ATG4C: variants seen among roughly 807,000 people sequenced by gnomAD.
The protein encoded by ATG4C is cysteine protease ATG4C.
Under a neutral mutation model 57.6 loss-of-function variants are expected in ATG4C, and 56 were observed. That is an observed-to-expected ratio of 0.97 (90% CI 0.78 to 1.21). The LOEUF is 1.21. Ranked by LOEUF, ATG4C falls within the 50% of genes most tolerant of loss-of-function variation. The pLI is 0.00. For missense variants in ATG4C, 595 were observed against 529.8 expected, an observed-to-expected ratio of 1.12 and a Z score of -1.21; for synonymous variants, 157 against 174.1, an observed-to-expected ratio of 0.90 and a Z score of 0.78.
chr1:62,813,431 C>T (rs1665157729), intron 3 of ATG4C, among the ~76,000 whole-genome samples: 1 of 152,106 alleles, frequency 6.6e-6, no homozygotes. Flanking sequence ...CTTTCTTACA[C>T]CTTATACAAA....
intron 4 of ATG4C, 44 bp from the exon 5 acceptor site, chr1:62,818,961 A>G (rs377634651): frequency 1.5e-6 from 2 of 1,365,572 alleles, no homozygotes; most frequent in Non-Finnish European, 9.8e-7. Flanking sequence ...TTGTTAAAGT[A>G]TCTATTTAAA....
intron 6 of ATG4C, 115 bp downstream of exon 6, chr1:62,821,324 C>T (rs940098361): frequency 3.6e-6 from 2 of 560,886 alleles, no homozygotes; most frequent in African/African-American, 3.9e-5. Flanking sequence ...ATGTCTTATA[C>T]ATTTTTGTTC....
At chr1:62,853,146 A>G (rs992252051) in intron 10 of ATG4C, among the ~76,000 whole-genome samples, 13 of 152,324 alleles carry the variant, frequency 8.5e-5, no homozygotes, top group Non-Finnish European at 1.5e-4. Flanking sequence ...CCTGAACTTT[A>G]GAAGCATTGT....
chr1:62,791,987 T>C (rs1329548906), intron 1 of ATG4C, among the ~76,000 whole-genome samples: 3 of 152,132 alleles, frequency 2.0e-5, no homozygotes, highest in Non-Finnish European at 4.4e-5. Context: ...GTCAACTTGC[T>C]ACTTTTATCT....
chr1:62,809,598 T>C (rs1329859217), intron 3 of ATG4C, among the ~76,000 whole-genome samples: 1 of 147,040 alleles, frequency 6.8e-6, no homozygotes, highest in Non-Finnish European at 1.5e-5. Context: ...TAATGTAATT[T>C]ATATAATTAT....
At chr1:62,796,657 C>A (rs1348563911) in intron 1 of ATG4C, among the ~76,000 whole-genome samples, 1 of 152,018 alleles carries the variant, frequency 6.6e-6, no homozygotes, top group African/African-American at 2.4e-5. Flanking sequence ...TTTAATATAA[C>A]CTGGTTATAT....
intron 1 of ATG4C, among the ~76,000 whole-genome samples, chr1:62,801,979 AAAAAAAG>A (rs1664691214): frequency 1.4e-5 from 2 of 142,346 alleles, no homozygotes; most frequent in Non-Finnish European, 3.1e-5. Context: ...AAAAAAAAAA[AAAAAAAG>A]AAAAAAAGAA....
chr1:62,796,207 G>GTTTT (rs60552573), intron 1 of ATG4C, among the ~76,000 whole-genome samples: 6 of 91,154 alleles, frequency 6.6e-5, no homozygotes, highest in African/African-American at 1.3e-4. Context: ...ATTTGTGTGG[G>GTTTT]TTTTTTTTTT....
At chr1:62,859,820 G>C (rs1666796566) in intron 10 of ATG4C, among the ~76,000 whole-genome samples, 1 of 151,788 alleles carries the variant, frequency 6.6e-6, no homozygotes, top group Non-Finnish European at 1.5e-5. Context: ...TCAGCCTCCT[G>C]AGTAGCTGGG....
At chr1:62,861,404 G>A (rs1164248572) in intron 10 of ATG4C, among the ~76,000 whole-genome samples, 6 of 151,932 alleles carry the variant, frequency 3.9e-5, no homozygotes. Context: ...AATTAGCCAG[G>A]TATGGTGGCA....
At chr1:62,856,922 G>C (rs1169874660) in intron 10 of ATG4C, among the ~76,000 whole-genome samples, 1 of 152,130 alleles carries the variant, frequency 6.6e-6, no homozygotes, top group Non-Finnish European at 1.5e-5. Flanking sequence ...TTGGCTTACA[G>C]GGACCTGAGT....
chr1:62,786,796 G>T (rs1335842708), intron 1 of ATG4C, among the ~76,000 whole-genome samples: 3 of 152,132 alleles, frequency 2.0e-5, no homozygotes, highest in Non-Finnish European at 4.4e-5. Flanking sequence ...AGTTACAACT[G>T]TGGTAAATGC....
intron 3 of ATG4C, among the ~76,000 whole-genome samples, chr1:62,811,430 G>T (rs1665080805): frequency 6.6e-6 from 1 of 152,104 alleles, no homozygotes; most frequent in Non-Finnish European, 1.5e-5. Flanking sequence ...TTATGTCGAG[G>T]TATATAGTAT....
At chr1:62,833,053 G>GT (rs893618540) in intron 7 of ATG4C, among the ~76,000 whole-genome samples, 35 of 152,130 alleles carry the variant, frequency 2.3e-4, no homozygotes, top group African/African-American at 8.4e-4. Flanking sequence ...TTTGGGAAAA[G>GT]TTTCACTTTT....
chr1:62,804,156 A>G (rs1572105914), intron 2 of ATG4C, among the ~76,000 whole-genome samples: 2 of 149,322 alleles, frequency 1.3e-5, no homozygotes, highest in South Asian at 4.2e-4. Context: ...GTGCAATCTC[A>G]GCTCACTGCA....
At chr1:62,841,186 A>G (rs1309877281) in intron 9 of ATG4C, among the ~76,000 whole-genome samples, 1 of 152,196 alleles carries the variant, frequency 6.6e-6, no homozygotes, top group African/African-American at 2.4e-5. Context: ...TTTCTTTTGC[A>G]GAATGGCACT....
chr1:62,837,767 C>A (rs1666040625), intron 9 of ATG4C, among the ~76,000 whole-genome samples: 1 of 151,984 alleles, frequency 6.6e-6, no homozygotes, highest in African/African-American at 2.4e-5. Context: ...ATGTGAACTG[C>A]AATTAGTAGT....
chr1:62,819,177 T>C lies in ATG4C; in HGVS notation c.567T>C (p.His189=), dbSNP rs895365337. The C allele has an allele frequency of 3.7e-6, 6 of 1,613,532 alleles. No individual in the cohort carries two copies. The highest frequency in any genetic ancestry group is 4.2e-6 in the Non-Finnish European group (5 of 1,179,702). The stretch of plus-strand genomic sequence containing the variant: ...CAATTGGGAAATATTCTGATGATCA[T>C]GAAATGCGAAATGAAGTTTATCATA... ...KETIGKYSDD[H]EMRNEVYHRK... Residue 189 remains histidine, a synonymous_variant, in exon 5 of 11, where the codon CAT becomes CAC. Transcript: ENST00000317868.
In ATG4C at chr1:62,864,059, A is replaced by G. The variant is rs368772637; in HGVS notation, c.1277A>G (p.Tyr426Cys). 66 of 1,600,158 alleles carry G rather than the reference A, an allele frequency of 4.1e-5. No individual in the cohort carries two copies. Among genetic ancestry groups the G allele is most frequent in the Non-Finnish European group, 4.9e-5 (57 of 1,174,208 alleles). Residue 426 changes from tyrosine to cysteine, a missense_variant, in exon 11 of 11, where the codon TAT becomes TGT. Tyr to Cys is a radical substitution (Grantham distance 194). Coordinates refer to ENST00000317868, the MANE Select transcript of ATG4C (RefSeq NM_032852.4). ...TTTGTAAATGGTCATTCCAGAGACT[A>G]TGATTTTACATCTACTACAACCAAT... ...FTFVNGHSRDYDFTSTTTNEE... is the reference protein window; with the variant it reads ...FTFVNGHSRDCDFTSTTTNEE...
Sources: allele counts gnomAD v4.1 joint callset (sites outside exome capture counted in the v4.1 genomes callset), GRCh38; gene constraint gnomAD v4.1.1; transcripts MANE v1.5; gene names NCBI Gene and HGNC (gene_info 2026-07-23, HGNC 2026-07-21).